Variants in SPON1 observed in about 807,000 individuals in gnomAD.
The protein encoded by SPON1 is spondin-1.
In SPON1, 52 loss-of-function variants were observed where a neutral mutation model predicts 111.7. The observed-to-expected ratio is 0.47, with a 90% CI of 0.37 to 0.59. The LOEUF is 0.59. Among genes scored for constraint, SPON1 ranks in the 20% least tolerant of loss-of-function variants. SPON1 has a pLI of 0.00. For synonymous variants in SPON1, 410 were observed against 395.8 expected, an observed-to-expected ratio of 1.04 and a Z score of -0.43; for missense variants, 957 against 1,068.5, an observed-to-expected ratio of 0.90 and a Z score of 1.46.
chr11:14,210,666 A>G (rs1236572132), intron 6 of SPON1, among the ~76,000 whole-genome samples: 1 of 151,944 alleles, frequency 6.6e-6, no homozygotes, highest in Non-Finnish European at 1.5e-5. Flanking sequence ...CCAAAGTGCT[A>G]GGAGGATTAC....
rs1222513427 is a variant in SPON1, at chr11:14,263,886, G to A, written c.2260+911G>A. On this transcript the variant is annotated intron_variant, in intron 15 of 15. Transcript: ENST00000576479. ...TCTACTAAAAGTACAAAAATTAGCC[G>A]GGCATGGTGGCGCACACCTGTAATC... Among the ~76,000 whole-genome samples, 8 of 151,856 alleles carry A rather than the reference G, an allele frequency of 5.3e-5. No individual in the cohort carries two copies. In the East Asian group the frequency reaches 5.8e-4, roughly 11 times the overall value.
chr11:13,971,896 G>A (rs1009033333), intron 1 of SPON1, among the ~76,000 whole-genome samples: 1 of 152,196 alleles, frequency 6.6e-6, no homozygotes, highest in Non-Finnish European at 1.5e-5. Flanking sequence ...ACAGACTGGC[G>A]AAGCTTGAGC....
At chr11:14,015,513 T>TCCCC (rs2133800964) in intron 2 of SPON1, among the ~76,000 whole-genome samples, 1 of 152,340 alleles carries the variant, frequency 6.6e-6, no homozygotes, top group Admixed American at 6.5e-5. Context: ...CATATGAATT[T>TCCCC]TAGGGGACAT....
At chr11:14,074,953 T>G (rs1338720161) in intron 3 of SPON1, among the ~76,000 whole-genome samples, 1 of 152,230 alleles carries the variant, frequency 6.6e-6, no homozygotes, top group East Asian at 1.9e-4. Context: ...GACATGCTTC[T>G]GTGATTTGAA....
At chr11:14,141,899 A>G (rs1335233990) in intron 6 of SPON1, among the ~76,000 whole-genome samples, 6 of 151,926 alleles carry the variant, frequency 3.9e-5, no homozygotes, top group Non-Finnish European at 7.4e-5. Context: ...ACACACACAC[A>G]CCCCACCAGC....
intron 6 of SPON1, among the ~76,000 whole-genome samples, chr11:14,201,272 A>C (rs1369486150): frequency 2.7e-5 from 4 of 150,808 alleles, no homozygotes; most frequent in African/African-American, 9.8e-5. Context: ...CCCAGGAGGC[A>C]GAGCTTGCAA....
intron 5 of SPON1, among the ~76,000 whole-genome samples, chr11:14,133,512 GT>G (rs1847550723): frequency 6.6e-6 from 1 of 152,212 alleles, no homozygotes; most frequent in Non-Finnish European, 1.5e-5. Context: ...CAAGAGGAGA[GT>G]ACAGAGCAAA....
chr11:14,213,909 T>C (rs1265827233), intron 6 of SPON1, among the ~76,000 whole-genome samples: 1 of 152,194 alleles, frequency 6.6e-6, no homozygotes, highest in Non-Finnish European at 1.5e-5. Context: ...CTATGTATTA[T>C]GCCCCAGATG....
intron 3 of SPON1, among the ~76,000 whole-genome samples, chr11:14,059,910 A>G (rs1208788611): frequency 6.6e-6 from 1 of 152,166 alleles, no homozygotes; most frequent in Non-Finnish European, 1.5e-5. Flanking sequence ...GGTTCTAAGC[A>G]TTCTGTTAGG....
At chr11:13,981,871 T>C (rs1848147194) in intron 1 of SPON1, among the ~76,000 whole-genome samples, 1 of 152,134 alleles carries the variant, frequency 6.6e-6, no homozygotes, top group Non-Finnish European at 1.5e-5. Flanking sequence ...AGTCTTCTGC[T>C]GGACCCTGCA....
chr11:14,144,631 C>A (rs1361738360), intron 6 of SPON1, among the ~76,000 whole-genome samples: 2 of 66,666 alleles, frequency 3.0e-5, no homozygotes, highest in South Asian at 5.8e-4. Context: ...GAGACTCCAT[C>A]TCCAATAATA....
At chr11:14,041,739 A>T in intron 3 of SPON1, 85 bp downstream of exon 3, 4 of 1,490,770 alleles carry the variant, frequency 2.7e-6, no homozygotes, top group Non-Finnish European at 3.6e-6. Context: ...TTCTTTACTG[A>T]GCATCAGAAA....
chr11:14,067,255 C>G (rs1554920440), intron 3 of SPON1, among the ~76,000 whole-genome samples: 1 of 152,182 alleles, frequency 6.6e-6, no homozygotes, highest in African/African-American at 2.4e-5. Context: ...TGGGACCAGA[C>G]AGAGCCTGAC....
intron 6 of SPON1, among the ~76,000 whole-genome samples, chr11:14,143,028 A>G (rs191256007): frequency 6.6e-6 from 1 of 152,314 alleles, no homozygotes; most frequent in Non-Finnish European, 1.5e-5. Flanking sequence ...CTTGGGTTGC[A>G]CATGGCCCCA....
At chr11:14,072,191 TA>T (rs1554920990) in intron 3 of SPON1, among the ~76,000 whole-genome samples, 48 of 152,268 alleles carry the variant, frequency 3.2e-4, no homozygotes, top group African/African-American at 9.9e-4. Context: ...TAATAATGTA[TA>T]TTAAGTGCCT....
chr11:14,119,796 C>A (rs1222099656), intron 5 of SPON1, among the ~76,000 whole-genome samples: 1 of 152,148 alleles, frequency 6.6e-6, no homozygotes. Flanking sequence ...AAAGGACTAC[C>A]TGCACAGTTG....
chr11:14,122,995 A>G (rs532705390), intron 5 of SPON1, among the ~76,000 whole-genome samples: 1 of 148,470 alleles, frequency 6.7e-6, no homozygotes, highest in African/African-American at 2.5e-5. Flanking sequence ...ATAGAGTGGC[A>G]ATCATAGCTC....
chr11:14,020,993 A>G (rs1554914755), intron 2 of SPON1, among the ~76,000 whole-genome samples: 1 of 152,192 alleles, frequency 6.6e-6, no homozygotes, highest in African/African-American at 2.4e-5. Context: ...GATTTGGCAG[A>G]TTTACATGTA....
At chr11:14,044,152 TTTTA>T (rs567417095) in intron 3 of SPON1, among the ~76,000 whole-genome samples, 97 of 152,366 alleles carry the variant, frequency 6.4e-4, no homozygotes, top group African/African-American at 2.2e-3. Flanking sequence ...TCTGCCTTTC[TTTTA>T]TTTATTTTTT....
Sources: gnomAD v4.1 joint callset for allele counts (sites outside exome capture counted in the v4.1 genomes callset) on GRCh38, gnomAD v4.1.1 for gene constraint, MANE v1.5 for transcripts, NCBI Gene and HGNC (gene_info 2026-07-23, HGNC 2026-07-21) for gene names.